FOXN1: variants seen among roughly 807,000 people sequenced by gnomAD.
FOXN1 encodes forkhead box N1.
FOXN1 carries 15 observed loss-of-function variants against 49.0 expected under a neutral mutation model. The observed-to-expected ratio is 0.31, with a 90% CI of 0.20 to 0.47. The LOEUF (loss-of-function observed/expected upper bound fraction) is 0.47, where lower values mean the gene tolerates loss of function less well. Ranked by LOEUF, FOXN1 falls within the 20% of genes least tolerant of loss-of-function variation. The probability of loss-of-function intolerance (pLI) is 1.00; values close to 1 mark genes in which losing one functional copy is unlikely to be tolerated. For missense variants in FOXN1, 800 were observed against 842.8 expected, an observed-to-expected ratio of 0.95 and a Z score of 0.63; for synonymous variants, 356 against 369.0, an observed-to-expected ratio of 0.96 and a Z score of 0.40.
chr17:28,515,320 G>C (rs77801008), intron 1 of FOXN1, among the ~76,000 whole-genome samples: 2 of 150,698 alleles, frequency 1.3e-5, no homozygotes, highest in African/African-American at 2.4e-5. Context: ...AGAGTACAGA[G>C]TACATACCTC....
At chr17:28,536,268 C>G (rs1278165587) in intron 8 of FOXN1, among the ~76,000 whole-genome samples, 1 of 152,228 alleles carries the variant, frequency 6.6e-6, no homozygotes, top group East Asian at 1.9e-4. Context: ...GGGAGCAGGG[C>G]TCAATCAGCC....
At position 28,537,217 on chromosome 17, in the gene FOXN1, A is replaced by G. The variant is rs2070090502; in HGVS notation, c.1728A>G (p.Pro576=). 6.2e-7 allele frequency: 1 copy of G among 1,613,658 alleles called. No individual in the cohort carries two copies. The highest frequency in any genetic ancestry group is 1.3e-5 in the African/African-American group (1 of 74,858). The change falls in exon 9 of 9, where the codon CCA becomes CCG. Residue 576 remains proline (P), a synonymous_variant. Transcript: ENST00000579795. ...PTSSSMPPPQ[P]PPHCFPPGPC... ...CATCTTCGATGCCACCACCCCAGCCACCACCTCACTGCTTCCCCCCTGGGC... is the reference window on the plus strand; with the variant it reads ...CATCTTCGATGCCACCACCCCAGCCGCCACCTCACTGCTTCCCCCCTGGGC...
chr17:28,535,931 G>A (rs1203676457), intron 8 of FOXN1, among the ~76,000 whole-genome samples: 1 of 152,156 alleles, frequency 6.6e-6, no homozygotes, highest in Non-Finnish European at 1.5e-5. Flanking sequence ...CTCAGAGCTG[G>A]GCAAGTCCTG....
chr17:28,527,271 G>A lies in FOXN1; in HGVS notation c.609G>A (p.Lys203=), dbSNP rs2069792352. The change falls in exon 4 of 9, where the codon AAG becomes AAA. Residue 203 remains lysine, a synonymous_variant. Coordinates refer to ENST00000579795, the MANE Select transcript of FOXN1 (RefSeq NM_001369369.1). The stretch of plus-strand genomic sequence containing the variant: ...AGCAGGGTTCAGAGGTCAAAGTCAA[G>A]CCCCCAGTTCTGGAGAGTGGTGCTG... The part of the protein sequence containing the change: ...PQVLGSEVKV[K]PPVLESGAGM... 2 of 1,613,460 alleles carry A rather than the reference G, an allele frequency of 1.2e-6. No individual in the cohort carries two copies. Among genetic ancestry groups the A allele is most frequent in the Non-Finnish European group, 1.7e-6 (2 of 1,179,384 alleles).
chr17:28,535,303 G>A, intron 8 of FOXN1, 105 bp downstream of exon 8: 1 of 1,297,672 alleles, frequency 7.7e-7, no homozygotes, highest in Non-Finnish European at 1.1e-6. Flanking sequence ...GCAAGTGGCT[G>A]GGTTTCTGGT....
At chr17:28,508,047 G>A (rs1555606391) in intron 1 of FOXN1, among the ~76,000 whole-genome samples, 1 of 152,046 alleles carries the variant, frequency 6.6e-6, no homozygotes, top group East Asian at 1.9e-4. Flanking sequence ...GCCTGTGCGA[G>A]CTCAGCTCCC....
chr17:28,523,280 G>C (rs2069678486), intron 1 of FOXN1, among the ~76,000 whole-genome samples: 1 of 152,232 alleles, frequency 6.6e-6, no homozygotes, highest in Non-Finnish European at 1.5e-5. Flanking sequence ...CACTTGCCAG[G>C]CGCTGCAGTG....
chr17:28,530,741 T>G lies in FOXN1; in HGVS notation c.831-8T>G, dbSNP rs2151493562. 6.4e-7 allele frequency: 1 copy of G among 1,566,540 alleles called. No homozygotes were observed. Among genetic ancestry groups the G allele is most frequent in the South Asian group, 1.1e-5 (1 of 90,110 alleles). On this transcript the variant is annotated splice_region_variant and splice_polypyrimidine_tract_variant and intron_variant, in intron 5 of 8. Transcript: ENST00000579795. ...GTTCGGACTCTCAGGGGCTTTCTCT[T>G]TCTTCAGCATCCTCATCTTCATGGC...
intron 1 of FOXN1, among the ~76,000 whole-genome samples, chr17:28,512,881 G>C (rs61070331): frequency 0.03 from 4,539 of 152,252 alleles, 214 homozygotes; most frequent in African/African-American, 0.1. Flanking sequence ...GCTTAGGTGG[G>C]AGGTCTCTGT....
At chr17:28,510,022 A>G (rs1427192268) in intron 1 of FOXN1, among the ~76,000 whole-genome samples, 1 of 152,130 alleles carries the variant, frequency 6.6e-6, no homozygotes, top group Non-Finnish European at 1.5e-5. Flanking sequence ...GCCAGCTGTG[A>G]GTCATGGAGA....
chr17:28,537,758 A>G lies in FOXN1; in HGVS notation c.*322A>G. 2.1e-6 allele frequency: 1 copy of G among 466,824 alleles called. No homozygotes were observed. The highest frequency in any genetic ancestry group is 2.1e-5 in the South Asian group (1 of 46,524). 28.9% of individuals were successfully genotyped at this position (466,824 alleles called of 1,614,324 possible). A position where few individuals can be genotyped will look rare whatever the true frequency, so the allele number is the denominator to read the frequency against. Reference sequence around the variant, plus strand: ...CCTCGTGCACACACACAAATTATTCAGATGTACACCCACCCACATATCTTA... The same window carrying G: ...CCTCGTGCACACACACAAATTATTCGGATGTACACCCACCCACATATCTTA... On this transcript the variant is annotated 3_prime_UTR_variant, in exon 9 of 9. Coordinates refer to ENST00000579795, the MANE Select transcript of FOXN1 (RefSeq NM_001369369.1).
intron 1 of FOXN1, among the ~76,000 whole-genome samples, chr17:28,509,157 C>T (rs958760393): frequency 6.6e-6 from 1 of 152,010 alleles, no homozygotes; most frequent in Middle Eastern, 3.2e-3. Flanking sequence ...TTCCAGAATA[C>T]ATTGGGTCTT....
chr17:28,530,115 A>G (rs2069875192), intron 5 of FOXN1, among the ~76,000 whole-genome samples: 1 of 152,162 alleles, frequency 6.6e-6, no homozygotes, highest in Admixed American at 6.5e-5. Flanking sequence ...GCAAACCACC[A>G]TAGCACGGGT....
chr17:28,533,095 G>C (rs1410404312), intron 6 of FOXN1, among the ~76,000 whole-genome samples: 1 of 152,220 alleles, frequency 6.6e-6, no homozygotes, highest in Non-Finnish European at 1.5e-5. Flanking sequence ...CAGCCACTTG[G>C]AGTGACGCTG....
At chr17:28,517,812 A>G (rs1420325540) in intron 1 of FOXN1, among the ~76,000 whole-genome samples, 545 of 94,596 alleles carry the variant, frequency 5.8e-3, no homozygotes, top group African/African-American at 0.024. Flanking sequence ...CCTCCACAGG[A>G]TACACACCTC....
chr17:28,535,385 G>A (rs1376485263), intron 8 of FOXN1, among the ~76,000 whole-genome samples, 187 bp downstream of exon 8: 2 of 152,204 alleles, frequency 1.3e-5, no homozygotes, highest in Non-Finnish European at 2.9e-5. Flanking sequence ...AGAGAATGGG[G>A]AAAGAGGGAT....
rs1233367853 is a variant in FOXN1, at chr17:28,534,582, T to A, written c.1135+44T>A. The A allele has an allele frequency of 4.4e-6, 7 of 1,574,978 alleles. No individual in the cohort carries two copies. The highest frequency in any genetic ancestry group is 1.5e-5 in the African/African-American group (1 of 67,494). ...CGCAAGGAAGGGCCCAGGGTACTCA[T>A]GAGCCAAAAAAAAAAAAAAGAGAGA... On this transcript the variant is annotated intron_variant, in intron 7 of 8. Transcript: ENST00000579795. This position sits in a 1 kb window ranked among gnomAD's most constrained non-coding sequence, Gnocchi z 4.1.
intron 1 of FOXN1, among the ~76,000 whole-genome samples, chr17:28,520,203 T>C (rs2069611207): frequency 6.6e-6 from 1 of 152,098 alleles, no homozygotes; most frequent in African/African-American, 2.4e-5. Context: ...GCTTCAGGGG[T>C]TCTGCCGGCT....
Position 28,523,281 on chromosome 17 carries a change from C to T in FOXN1, c.-14-675C>T, listed in dbSNP as rs142280099. 7.1e-3 allele frequency among the ~76,000 whole-genome samples: 1,079 copies of T among 152,344 alleles called. 13 individuals are homozygous for T. Among genetic ancestry groups the T allele is most frequent in the African/African-American group, 0.024 (1,013 of 41,582 alleles). On this transcript the variant is annotated intron_variant, in intron 1 of 8. Coordinates refer to ENST00000579795, the MANE Select transcript of FOXN1 (RefSeq NM_001369369.1). ...CACAGGTGGAACAGCACTTGCCAGG[C>T]GCTGCAGTGTGGGTGGTGACATCGT...
Sources: allele counts gnomAD v4.1 joint callset (sites outside exome capture counted in the v4.1 genomes callset), GRCh38; gene constraint gnomAD v4.1.1; non-coding constraint Gnocchi (gnomAD v3.1); transcripts MANE v1.5; gene names NCBI Gene and HGNC (gene_info 2026-07-23, HGNC 2026-07-21).